MINAR1: variants seen among roughly 807,000 people sequenced by gnomAD.
MINAR1 encodes the protein membrane integral NOTCH2 associated receptor 1.
MINAR1 carries 40 observed loss-of-function variants against 65.1 expected under a neutral mutation model. The ratio of observed to expected loss-of-function variants is 0.61; its 90% CI spans 0.48 to 0.80. The LOEUF (loss-of-function observed/expected upper bound fraction) is 0.80. Among genes scored for constraint, MINAR1 ranks in the 30% least tolerant of loss-of-function variants. The pLI is 0.00. For missense variants in MINAR1, 1,128 were observed against 1,148.0 expected, an observed-to-expected ratio of 0.98 and a Z score of 0.25; for synonymous variants, 482 against 449.1, an observed-to-expected ratio of 1.07 and a Z score of -0.93.
upstream of MINAR1, among the ~76,000 whole-genome samples, chr15:79,432,120 C>T (rs1307957290): frequency 6.6e-6 from 1 of 152,120 alleles, no homozygotes. Flanking sequence ...GACGTGGCGA[C>T]GCCGACCGAG....
chr15:79,458,215 A>G lies in MINAR1; in HGVS notation c.2068A>G (p.Asn690Asp). The G allele has an allele frequency of 6.2e-7, 1 of 1,614,126 alleles. No homozygotes were observed. Among genetic ancestry groups the G allele is most frequent in the Non-Finnish European group, 8.5e-7 (1 of 1,180,026 alleles). Reference protein sequence around the residue: ...DWCCSDASGSNSESLRVKALK... With the variant: ...DWCCSDASGSDSESLRVKALK... ...GTGCTGCTCTGATGCTAGCGGGAGCAACAGTGAAAGCCTGCGGGTCAAGGC... is the reference window on the plus strand; with the variant it reads ...GTGCTGCTCTGATGCTAGCGGGAGCGACAGTGAAAGCCTGCGGGTCAAGGC... Residue 690 changes from asparagine to aspartate, a missense_variant, in exon 2 of 4, where the codon AAC becomes GAC. Transcript: ENST00000305428.
intron 2 of MINAR1, among the ~76,000 whole-genome samples, chr15:79,461,406 A>G (rs550619210): frequency 1.3e-5 from 2 of 152,342 alleles, no homozygotes; most frequent in East Asian, 3.9e-4. Flanking sequence ...GCCCTTGGTT[A>G]ATTGCAATTA....
intron 1 of MINAR1, among the ~76,000 whole-genome samples, chr15:79,452,276 CTG>C (rs754961424): frequency 7.9e-5 from 12 of 151,216 alleles, no homozygotes; most frequent in East Asian, 3.9e-4. Flanking sequence ...GTGTTTAGGT[CTG>C]TGTGAGTGTG....
intron 1 of MINAR1, among the ~76,000 whole-genome samples, chr15:79,452,133 G>A (rs2141288354): frequency 6.6e-6 from 1 of 152,288 alleles, no homozygotes; most frequent in African/African-American, 2.4e-5. Flanking sequence ...ACATGGGTGT[G>A]TGGAAGTGCG....
At chr15:79,452,042 T>TTGTGAATGTGTGTGTGTGCAGAGG (rs1895221337) in intron 1 of MINAR1, among the ~76,000 whole-genome samples, 1 of 151,576 alleles carries the variant, frequency 6.6e-6, no homozygotes, top group Admixed American at 6.6e-5. Context: ...GTATACGTGT[T>TTGTGAATGTGTGTGTGTGCAGAGG]TGTGAATGTG....
intron 1 of MINAR1, among the ~76,000 whole-genome samples, chr15:79,432,748 G>A (rs1595924830): frequency 6.6e-6 from 1 of 152,364 alleles, no homozygotes; most frequent in Non-Finnish European, 1.5e-5. Context: ...GCTCAGGGCA[G>A]CGGCGGAAAA....
chr15:79,427,954 A>G (rs1414299595), upstream of MINAR1, among the ~76,000 whole-genome samples: 1 of 152,180 alleles, frequency 6.6e-6, no homozygotes, highest in African/African-American at 2.4e-5. Flanking sequence ...TACCCATGCC[A>G]ATGACATGAT....
At position 79,458,460 on chromosome 15, in the gene MINAR1, A is replaced by C; in HGVS notation, c.2298+15A>C. On this transcript the variant is annotated intron_variant, in intron 2 of 3. Coordinates refer to ENST00000305428, the MANE Select transcript of MINAR1 (RefSeq NM_015206.3). Reference sequence around the variant, plus strand: ...AATCTAAAGAGGTAATTTAAATTTAAGTTCACATAATCGGGCACCAGCTTC... The same window carrying C: ...AATCTAAAGAGGTAATTTAAATTTACGTTCACATAATCGGGCACCAGCTTC... 1 of 1,604,836 alleles carries C rather than the reference A, an allele frequency of 6.2e-7. No homozygotes were observed. The highest frequency in any genetic ancestry group is 2.2e-5 in the East Asian group (1 of 44,756).
chr15:79,452,741 TGGG>T (rs398119013), intron 1 of MINAR1, among the ~76,000 whole-genome samples: 24 of 89,800 alleles, frequency 2.7e-4, no homozygotes, highest in Non-Finnish European at 5.2e-4. Context: ...TGTGGGTGTG[TGGG>T]GGGGGTGTGT....
At chr15:79,418,110 T>G in the MINAR1 span, 1 of 152,244 alleles carries the variant, frequency 6.6e-6, no homozygotes, top group Non-Finnish European at 1.5e-5. Context: ...GTGATTCTCC[T>G]TGGAGATAAA....
Position 79,457,900 on chromosome 15 carries a change from A to G in MINAR1, c.1753A>G (p.Thr585Ala), listed in dbSNP as rs1412089544. 1 of 1,614,014 alleles carries G rather than the reference A, an allele frequency of 6.2e-7. No individual in the cohort carries two copies. The highest frequency in any genetic ancestry group is 8.5e-7 in the Non-Finnish European group (1 of 1,180,014). Residue 585 changes from threonine to alanine, a missense_variant, in exon 2 of 4, where the codon ACC (threonine) becomes GCC (alanine). Thr to Ala is a moderately conservative substitution (Grantham distance 58, BLOSUM62 0). Transcript: ENST00000305428. ...KGDKGNRPEN[T>A]HHSEEELKTS... is the part of the protein sequence containing the mutation. ...AGACAAGGGCAACCGGCCTGAAAAC[A>G]CCCACCACTCGGAAGAAGAGCTGAA...
At chr15:79,448,178 C>T (rs1895074331) in intron 1 of MINAR1, among the ~76,000 whole-genome samples, 1 of 152,200 alleles carries the variant, frequency 6.6e-6, no homozygotes, top group Admixed American at 6.5e-5. Context: ...TTTTCACATT[C>T]TCTAAGCTTA....
At position 79,468,617 on chromosome 15, in the gene MINAR1, T is replaced by TGTGAGAAATCTACCTACCTA; in HGVS notation, c.*233_*234insGTGAGAAATCTACCTACCTA. 1.9e-6 allele frequency: 1 copy of TGTGAGAAATCTACCTACCTA among 529,274 alleles called. No homozygotes were observed. Among genetic ancestry groups the TGTGAGAAATCTACCTACCTA allele is most frequent in the Non-Finnish European group, 3.4e-6 (1 of 298,122 alleles). 32.8% of individuals were successfully genotyped at this position (529,274 alleles called of 1,614,324 possible). On this transcript the variant is annotated 3_prime_UTR_variant, in exon 4 of 4. Transcript: ENST00000305428. ...GACGCATTTTTAGAAGTGCAATATCTTTTCCTACCAAAAGAACATCATGGA... is the reference window on the plus strand; with the variant it reads ...GACGCATTTTTAGAAGTGCAATATCTGTGAGAAATCTACCTACCTATTTCCTACCAAAAGAACATCATGGA...
chr15:79,447,918 G>A (rs1031493002), intron 1 of MINAR1, among the ~76,000 whole-genome samples: 2 of 152,044 alleles, frequency 1.3e-5, no homozygotes, highest in Non-Finnish European at 2.9e-5. Context: ...AAGGGTCCCA[G>A]CTTTATGCAG....
chr15:79,467,008 G>T (rs1003963321), intron 3 of MINAR1, among the ~76,000 whole-genome samples: 1 of 152,168 alleles, frequency 6.6e-6, no homozygotes, highest in Non-Finnish European at 1.5e-5. Flanking sequence ...ACCCCCATGG[G>T]AGCTTGAGGG....
intron 1 of MINAR1, among the ~76,000 whole-genome samples, chr15:79,454,007 A>C (rs1405540942): frequency 2.0e-5 from 3 of 152,184 alleles, no homozygotes; most frequent in African/African-American, 7.2e-5. Flanking sequence ...TGCTGTTCCC[A>C]AAATTACATT....
upstream of MINAR1, among the ~76,000 whole-genome samples, chr15:79,430,423 T>A (rs1212402413): frequency 6.6e-6 from 1 of 152,200 alleles, no homozygotes; most frequent in Non-Finnish European, 1.5e-5. Flanking sequence ...CCATGTGGAT[T>A]CAACTGTTCT....
At chr15:79,460,121 AAC>A (rs1425701280) in intron 2 of MINAR1, among the ~76,000 whole-genome samples, 1 of 152,232 alleles carries the variant, frequency 6.6e-6, no homozygotes, top group Non-Finnish European at 1.5e-5. Flanking sequence ...CGATAGGTCT[AAC>A]ACAAAGTTGC....
chr15:79,453,904 G>GA (rs1170000334), intron 1 of MINAR1, among the ~76,000 whole-genome samples: 2 of 152,174 alleles, frequency 1.3e-5, no homozygotes, highest in Non-Finnish European at 2.9e-5. Flanking sequence ...GTTTTCCTGG[G>GA]AGGTGCATGG....
Sources: allele counts gnomAD v4.1 joint callset (sites outside exome capture counted in the v4.1 genomes callset), GRCh38; gene constraint gnomAD v4.1.1; transcripts MANE v1.5; gene names NCBI Gene and HGNC (gene_info 2026-07-23, HGNC 2026-07-21).